Variants in AUTS2 observed in about 807,000 individuals in gnomAD.
AUTS2 encodes activator of transcription and developmental regulator AUTS2.
In AUTS2, 17 loss-of-function variants were observed where a neutral mutation model predicts 112.4. That is an observed-to-expected ratio of 0.15 (90% confidence interval 0.10 to 0.23). AUTS2 has a LOEUF of 0.23. Ranked by LOEUF, AUTS2 falls within the 10% of genes least tolerant of loss-of-function variation. AUTS2 has a pLI of 1.00. For missense variants in AUTS2, 1,510 were observed against 1,701.6 expected (o/e 0.89, Z 1.98); for synonymous variants, 751 against 702.7 (o/e 1.07, Z -1.09).
chr7:69,921,132 T>C (rs1294314271), intron 2 of AUTS2, among the ~76,000 whole-genome samples: 3 of 152,186 alleles, frequency 2.0e-5, no homozygotes, highest in Non-Finnish European at 4.4e-5. Flanking sequence ...TGTTTTCTTA[T>C]TGTTAATGTG....
intron 1 of AUTS2, among the ~76,000 whole-genome samples, chr7:69,754,821 G>C (rs1584192968): frequency 6.6e-6 from 1 of 152,282 alleles, no homozygotes; most frequent in East Asian, 1.9e-4. Context: ...CTTAGGTTTA[G>C]AGCATAAGTA....
chr7:70,746,113 G>C (rs1228133842), intron 6 of AUTS2, among the ~76,000 whole-genome samples: 1 of 152,138 alleles, frequency 6.6e-6, no homozygotes, highest in African/African-American at 2.4e-5. Flanking sequence ...AAAGTTGTGT[G>C]TATTAAAATA....
At chr7:70,619,134 C>A (rs11771374) in intron 5 of AUTS2, among the ~76,000 whole-genome samples, 7 of 152,008 alleles carry the variant, frequency 4.6e-5, no homozygotes, top group East Asian at 1.9e-4. Context: ...ACCTTCCCCC[C>A]CTCCCCATCC....
intron 1 of AUTS2, among the ~76,000 whole-genome samples, chr7:69,689,985 G>A (rs757057357): frequency 3.3e-5 from 5 of 151,964 alleles, no homozygotes; most frequent in Admixed American, 6.5e-5. Flanking sequence ...GAGCCACTGC[G>A]CCCGGCCAAC....
Position 69,740,383 on chromosome 7 carries a change from C to G in AUTS2, c.309+140421C>G, listed in dbSNP as rs183609597. Among the ~76,000 whole-genome samples the G allele has an allele frequency of 5.8e-3, 890 of 152,252 alleles. 3 individuals are homozygous for G. Among genetic ancestry groups the G allele is most frequent in the Non-Finnish European group, 9.2e-3 (628 of 68,024 alleles). On this transcript the variant is annotated intron_variant, in intron 1 of 18. Coordinates refer to ENST00000342771, the MANE Select transcript of AUTS2 (RefSeq NM_015570.4). The stretch of plus-strand genomic sequence containing the variant: ...TAGGTGGGGGGAGGAGAAGCCAGCT[C>G]TGATTGACAAGAGCTTATCTTTATT...
At chr7:69,737,707 C>T (rs1263597448) in intron 1 of AUTS2, among the ~76,000 whole-genome samples, 2 of 152,140 alleles carry the variant, frequency 1.3e-5, no homozygotes, top group African/African-American at 2.4e-5. Flanking sequence ...TGATTTTCTT[C>T]ACCCTCTTGT....
chr7:70,457,320 G>T (rs1318815008), intron 5 of AUTS2, among the ~76,000 whole-genome samples: 1 of 152,180 alleles, frequency 6.6e-6, no homozygotes, highest in Non-Finnish European at 1.5e-5. Context: ...CATGCCACAG[G>T]TGGTGCTTAG....
chr7:70,401,731 G>A (rs1240695275), intron 4 of AUTS2, among the ~76,000 whole-genome samples: 1 of 152,214 alleles, frequency 6.6e-6, no homozygotes, highest in Admixed American at 6.5e-5. Context: ...AAGGCATGAG[G>A]CAGACATCTA....
rs536521555 is a variant in AUTS2, at chr7:70,767,754, C to T, written c.1690-270C>T. ...TTCTCTCCTGTTTAGAGGTTTGGTT[C>T]GTGCCAATCTGTAGAAAGAAAATAG... On this transcript the variant is annotated intron_variant, in intron 9 of 18. Coordinates refer to ENST00000342771, the MANE Select transcript of AUTS2 (RefSeq NM_015570.4). Among the ~76,000 whole-genome samples, 4 of 152,268 alleles carry T rather than the reference C, an allele frequency of 2.6e-5. No homozygotes were observed. In the South Asian group the frequency reaches 6.2e-4, roughly 24 times the overall value.
At chr7:69,942,218 A>G (rs1584473643) in intron 2 of AUTS2, among the ~76,000 whole-genome samples, 1 of 152,194 alleles carries the variant, frequency 6.6e-6, no homozygotes, top group East Asian at 1.9e-4. Flanking sequence ...GAGAGCAGAT[A>G]CTTGTTCTCA....
intron 1 of AUTS2, among the ~76,000 whole-genome samples, chr7:69,863,999 T>G (rs1205695586): frequency 1.3e-5 from 2 of 152,336 alleles, no homozygotes; most frequent in East Asian, 3.9e-4. Context: ...TGGGCTATGG[T>G]TCTGATACCA....
intron 1 of AUTS2, among the ~76,000 whole-genome samples, chr7:69,868,434 T>C (rs1378231409): frequency 2.6e-5 from 4 of 152,200 alleles, no homozygotes; most frequent in Non-Finnish European, 5.9e-5. Flanking sequence ...TAAAGATTCT[T>C]AACACAAACA....
At chr7:70,598,542 A>T (rs993222343) in intron 5 of AUTS2, among the ~76,000 whole-genome samples, 1 of 152,066 alleles carries the variant, frequency 6.6e-6, no homozygotes. Flanking sequence ...TTCCCTATGC[A>T]TTTGCCGTCC....
At chr7:70,232,939 G>T (rs1812135408) in intron 4 of AUTS2, among the ~76,000 whole-genome samples, 1 of 152,146 alleles carries the variant, frequency 6.6e-6, no homozygotes, top group South Asian at 2.1e-4. Context: ...AATAGTATTT[G>T]ATTGAAGATT....
At chr7:70,781,582 C>T (rs1404118924) in intron 14 of AUTS2, 33 bp from the exon 15 acceptor site, 1 of 1,611,886 alleles carries the variant, frequency 6.2e-7, no homozygotes, top group Non-Finnish European at 8.5e-7. Flanking sequence ...TGCTGTTGGC[C>T]TTGGGACCCT....
At chr7:70,697,840 A>G (rs1809212043) in intron 5 of AUTS2, among the ~76,000 whole-genome samples, 1 of 152,200 alleles carries the variant, frequency 6.6e-6, no homozygotes, top group Non-Finnish European at 1.5e-5. Flanking sequence ...ACCGACTTCC[A>G]TGTTTATTTT....
At chr7:69,764,502 G>C (rs1788334783) in intron 1 of AUTS2, among the ~76,000 whole-genome samples, 1 of 151,828 alleles carries the variant, frequency 6.6e-6, no homozygotes, top group Admixed American at 6.6e-5. Context: ...GCAGTTCTTA[G>C]AGACAACTGG....
intron 1 of AUTS2, among the ~76,000 whole-genome samples, chr7:69,663,906 A>G (rs1339243028): frequency 2.0e-5 from 3 of 152,256 alleles, no homozygotes; most frequent in Non-Finnish European, 2.9e-5. Context: ...AATAGATCCC[A>G]AAATGAATCA....
chr7:70,186,203 G>A (rs560876556), intron 4 of AUTS2, among the ~76,000 whole-genome samples: 7 of 152,230 alleles, frequency 4.6e-5, no homozygotes, highest in Admixed American at 4.6e-4. Context: ...TCCTGAAGAA[G>A]TTGTCTTTGT....
Sources: allele counts gnomAD v4.1 joint callset (sites outside exome capture counted in the v4.1 genomes callset), GRCh38; gene constraint gnomAD v4.1.1; transcripts MANE v1.5; gene names NCBI Gene and HGNC (gene_info 2026-07-23, HGNC 2026-07-21).